WDR33: variants seen among roughly 807,000 people sequenced by gnomAD.
WDR33 encodes the protein WD repeat domain 33, also known as pre-mRNA 3' end processing protein WDR33.
WDR33 carries 47 observed loss-of-function variants against 164.9 expected under a neutral mutation model. The observed-to-expected ratio is 0.29, with a 90% CI of 0.23 to 0.36. The LOEUF is 0.36. Ranked by LOEUF, WDR33 falls within the 10% of genes least tolerant of loss-of-function variation. The probability of loss-of-function intolerance (pLI) is 1.00; values close to 1 mark genes in which losing one functional copy is unlikely to be tolerated. For missense variants in WDR33, 1,137 were observed against 1,754.1 expected, an observed-to-expected ratio of 0.65 and a Z score of 6.28; for synonymous variants, 505 against 589.0, an observed-to-expected ratio of 0.86 and a Z score of 2.06.
At chr2:127,804,023 C>CAA (rs1689346937) in intron 1 of WDR33, among the ~76,000 whole-genome samples, 1 of 150,570 alleles carries the variant, frequency 6.6e-6, no homozygotes, top group South Asian at 2.1e-4. Context: ...TAAAGAGATA[C>CAA]GAAATATCTA....
At chr2:127,802,186 C>G (rs781064559) in intron 1 of WDR33, among the ~76,000 whole-genome samples, 19 of 151,176 alleles carry the variant, frequency 1.3e-4, no homozygotes, top group Non-Finnish European at 2.8e-4. Context: ...AAAATTAAGA[C>G]AGTAAAATTT....
chr2:127,789,584 G>C (rs1027862325), intron 1 of WDR33, among the ~76,000 whole-genome samples: 12 of 149,244 alleles, frequency 8.0e-5, no homozygotes, highest in African/African-American at 2.2e-4. Flanking sequence ...GCAGGCACTC[G>C]GCAGGCTGAG....
chr2:127,702,005 C>CG lies in WDR33; in HGVS notation c.*4317dup, dbSNP rs1010897673. 3 of 1,310,698 alleles carry CG rather than the reference C, an allele frequency of 2.3e-6. No individual in the cohort carries two copies. The African/African-American group carries it at 4.7e-5, about 20-fold the overall frequency. The allele number at this position is 1,310,698 out of a possible 1,614,324, so 81.2% of individuals were successfully genotyped here. Reference sequence around the variant, plus strand: ...CAGCGCTGGGCGCCACGCTGTTCGCCGCGCTGGGCCTTCGCAGCACGCTGC... The same window carrying CG: ...CAGCGCTGGGCGCCACGCTGTTCGCCGGCGCTGGGCCTTCGCAGCACGCTGC... On this transcript the variant is annotated 3_prime_UTR_variant, in exon 22 of 22. Transcript: ENST00000322313.
chr2:127,788,522 G>C (rs1245445151), intron 1 of WDR33, among the ~76,000 whole-genome samples: 1 of 125,310 alleles, frequency 8.0e-6, no homozygotes, highest in Non-Finnish European at 1.7e-5. Flanking sequence ...GGGTGGGGGG[G>C]CTGACCCCCC....
chr2:127,794,166 AAGAC>A (rs1313734086), intron 1 of WDR33, among the ~76,000 whole-genome samples: 2 of 142,652 alleles, frequency 1.4e-5, no homozygotes, highest in Non-Finnish European at 3.0e-5. Flanking sequence ...GACAGACAGA[AAGAC>A]AGACAGAGAC....
rs1239548459 is a variant in WDR33, at chr2:127,719,674, A to C, written c.2351T>G (p.Met784Arg). The C allele has an allele frequency of 2.5e-6, 4 of 1,613,380 alleles. No homozygotes were observed. The highest frequency in any genetic ancestry group is 2.2e-5 in the East Asian group (1 of 44,812). Reference protein sequence around the residue: ...GPLMGLNPRGMQGPPGPRENQ... With the variant: ...GPLMGLNPRGRQGPPGPRENQ... ...CTCCCGGGGGCCTGGAGGCCCCTGC[A>C]TTCCTCTTGGATTCAATCCCATCAG... The change falls in exon 16 of 22, where the codon ATG becomes AGG. Residue 784 changes from methionine to arginine, a missense_variant. This residue lies in a region of WDR33 where 867 missense variants were observed against 1,073.0 expected (regional missense o/e 0.81). Transcript: ENST00000322313. The surrounding 1 kb of genome is among the most constrained non-coding windows in gnomAD (Gnocchi z 6.5).
At chr2:127,728,470 C>T (rs1160289664) in intron 7 of WDR33, among the ~76,000 whole-genome samples, 1 of 152,088 alleles carries the variant, frequency 6.6e-6, no homozygotes, top group South Asian at 2.1e-4. Context: ...TATTGATTCT[C>T]TCTCCCCATG....
In WDR33 at chr2:127,701,528, G is replaced by C. The variant is rs1685876558; in HGVS notation, c.*4795C>G. 1 of 1,328,068 alleles carries C rather than the reference G, an allele frequency of 7.5e-7. No homozygotes were observed. The highest frequency in any genetic ancestry group is 1.5e-5 in the African/African-American group (1 of 65,576). The allele number at this position is 1,328,068 out of a possible 1,614,324, so 82.3% of individuals were successfully genotyped here. On this transcript the variant is annotated 3_prime_UTR_variant, in exon 22 of 22. Coordinates refer to ENST00000322313, the MANE Select transcript of WDR33 (RefSeq NM_018383.5). Reference sequence around the variant, plus strand: ...TCCTTTCTGCCACCGCCTTGTCCAAGATGGCGGACCTCCACCGCCAGCTGC... The same window carrying C: ...TCCTTTCTGCCACCGCCTTGTCCAACATGGCGGACCTCCACCGCCAGCTGC...
At position 127,720,143 on chromosome 2, in the gene WDR33, G is replaced by A; in HGVS notation, c.1882C>T (p.Pro628Ser). Residue 628 changes from proline to serine, a missense_variant, in exon 16 of 22, where the codon CCT becomes TCT. By Grantham distance (74) the Pro-to-Ser change is moderately conservative. Transcript: ENST00000322313. This position sits in a 1 kb window ranked among gnomAD's most constrained non-coding sequence, Gnocchi z 5.9. ...CCCATTTGTCCCTGGGGTCCAGGAG[G>A]CCTAAACTGTCCCTGTGGACCTGGA... The part of the protein sequence containing the change: ...GPPGPQGQFR[P>S]PGPQGQMGPQ... 1 of 1,614,170 alleles carries A rather than the reference G, an allele frequency of 6.2e-7. No homozygotes were observed.
At position 127,763,468 on chromosome 2, in the gene WDR33, G is replaced by A; in HGVS notation, c.627-309C>T. ...TGATACGAGGAAATCACATGAAGCT[G>A]CCTTAAGTGGTGAAAATAAATGGAT... On this transcript the variant is annotated intron_variant, in intron 6 of 21. Transcript: ENST00000322313. This position sits in a 1 kb window ranked among gnomAD's most constrained non-coding sequence, Gnocchi z 4.5. 9.1e-7 allele frequency: 1 copy of A among 1,099,858 alleles called. No individual in the cohort carries two copies. The highest frequency in any genetic ancestry group is 1.6e-5 in the African/African-American group (1 of 61,246). The allele number at this position is 1,099,858 out of a possible 1,614,324, so 68.1% of individuals were successfully genotyped here. A position where few individuals can be genotyped will look rare whatever the true frequency, so the allele number is the denominator to read the frequency against.
intron 7 of WDR33, among the ~76,000 whole-genome samples, chr2:127,739,352 T>C (rs866545151): frequency 1.1e-4 from 16 of 152,130 alleles, no homozygotes; most frequent in Middle Eastern, 3.4e-3. Context: ...TTCCCCCCCG[T>C]AAGAAGAGAA....
intron 1 of WDR33, among the ~76,000 whole-genome samples, chr2:127,782,364 C>T (rs1558953586): frequency 1.3e-5 from 2 of 152,092 alleles, no homozygotes; most frequent in African/African-American, 2.4e-5. Context: ...GCCGAGATTG[C>T]ACCACTGCAC....
intron 1 of WDR33, among the ~76,000 whole-genome samples, chr2:127,779,053 T>C (rs961404713): frequency 2.6e-5 from 4 of 152,060 alleles, no homozygotes; most frequent in African/African-American, 9.7e-5. Context: ...AAAAAAATGC[T>C]GACATGAAAT....
At chr2:127,792,766 G>A (rs1327237577) in intron 1 of WDR33, among the ~76,000 whole-genome samples, 1 of 152,034 alleles carries the variant, frequency 6.6e-6, no homozygotes, top group Non-Finnish European at 1.5e-5. Flanking sequence ...TGATTATTAG[G>A]TAAATTAGCA....
chr2:127,761,380 T>C (rs1051645592), intron 7 of WDR33, among the ~76,000 whole-genome samples: 1 of 152,116 alleles, frequency 6.6e-6, no homozygotes, highest in Non-Finnish European at 1.5e-5. Context: ...TTTTGTATTT[T>C]CAGTAGAGAC....
intron 7 of WDR33, among the ~76,000 whole-genome samples, chr2:127,761,085 G>A (rs1437856475): frequency 2.0e-5 from 3 of 152,100 alleles, no homozygotes; most frequent in Admixed American, 6.6e-5. Context: ...TGGATCATGG[G>A]ACTCAAAAAC....
intron 7 of WDR33, chr2:127,736,172 A>G (rs1573900098): frequency 2.0e-6 from 2 of 985,394 alleles, no homozygotes; most frequent in Non-Finnish European, 2.4e-6. Flanking sequence ...TCTTTTCTCA[A>G]GAGTACTTCC....
chr2:127,798,840 T>G (rs1689136933), intron 1 of WDR33: 1 of 152,090 alleles, frequency 6.6e-6, no homozygotes, highest in East Asian at 1.9e-4. Context: ...TAAGTAAAAT[T>G]TAAGTTATTG....
At position 127,705,715 on chromosome 2, in the gene WDR33, A is replaced by G. The variant is rs1685993802; in HGVS notation, c.*608T>C. ...ATTTGAACCTACTACAAACTACATT[A>G]GAATAATTTTCAAGTATTTTTCTGT... On this transcript the variant is annotated 3_prime_UTR_variant, in exon 22 of 22. Coordinates refer to ENST00000322313, the MANE Select transcript of WDR33 (RefSeq NM_018383.5). This position sits in a 1 kb window ranked among gnomAD's most constrained non-coding sequence, Gnocchi z 4.5. 1 of 152,228 alleles carries G rather than the reference A, an allele frequency of 6.6e-6. No homozygotes were observed. The highest frequency in any genetic ancestry group is 2.4e-5 in the African/African-American group (1 of 41,456). 9.4% of individuals were successfully genotyped at this position (152,228 alleles called of 1,614,324 possible).
Sources: gnomAD v4.1 joint callset for allele counts (sites outside exome capture counted in the v4.1 genomes callset) on GRCh38, gnomAD v4.1.1 for gene constraint, gnomAD v4.1.1 regional missense constraint, Gnocchi (gnomAD v3.1) non-coding constraint, MANE v1.5 for transcripts, NCBI Gene and HGNC (gene_info 2026-07-23, HGNC 2026-07-21) for gene names.